The following LUZP1 variants were observed in gnomAD, a reference collection of about 807,000 sequenced individuals.
LUZP1 encodes filamin mechanobinding actin cross-linking protein.
LUZP1 carries 25 observed loss-of-function variants against 71.3 expected under a neutral mutation model. The observed-to-expected ratio is 0.35, with a 90% CI of 0.26 to 0.49. LUZP1 has a LOEUF of 0.49. LUZP1 is among the 20% of genes least tolerant of loss of function. LUZP1 has a pLI of 0.99. For missense variants in LUZP1, 1,142 were observed against 1,300.8 expected (o/e 0.88, Z 1.88); for synonymous variants, 481 against 506.4 (o/e 0.95, Z 0.67).
chr1:23,147,195 C>T (rs1644350648), intron 2 of LUZP1, among the ~76,000 whole-genome samples: 1 of 151,522 alleles, frequency 6.6e-6, no homozygotes, highest in Non-Finnish European at 1.5e-5. Flanking sequence ...AATCCCAGCA[C>T]TTTGGGAGGC....
chr1:23,138,316 A>G (rs1299020608), intron 2 of LUZP1, among the ~76,000 whole-genome samples: 1 of 152,214 alleles, frequency 6.6e-6, no homozygotes, highest in African/African-American at 2.4e-5. Context: ...TAGCCTTAAA[A>G]AAATAAAACA....
chr1:23,111,173 C>G (rs578106491), intron 2 of LUZP1, among the ~76,000 whole-genome samples: 3 of 144,914 alleles, frequency 2.1e-5, no homozygotes, highest in African/African-American at 7.8e-5. Flanking sequence ...GCACTCCAGC[C>G]TGGGCGACAC....
chr1:23,175,684 T>A (rs1434638155), intron 1 of LUZP1, among the ~76,000 whole-genome samples: 1 of 152,216 alleles, frequency 6.6e-6, no homozygotes, highest in Admixed American at 6.5e-5. Flanking sequence ...GTGCCTAACA[T>A]GTGCCAGGCA....
At chr1:23,103,343 A>G (rs1209398394) in intron 3 of LUZP1, among the ~76,000 whole-genome samples, 2 of 152,148 alleles carry the variant, frequency 1.3e-5, no homozygotes, top group Non-Finnish European at 2.9e-5. Flanking sequence ...GCACATTTCT[A>G]TCTAATTACA....
At chr1:23,085,118 G>A (rs1428929485) in exon 5 of LUZP1, 3 of 152,626 alleles carry the variant, frequency 2.0e-5, no homozygotes, top group Non-Finnish European at 2.9e-5. Flanking sequence ...TCCAGCGACA[G>A]GTTCTGGCCT....
intron 2 of LUZP1, chr1:23,163,922 TAG>T (rs1365703167): frequency 6.6e-6 from 1 of 152,146 alleles, no homozygotes; most frequent in Non-Finnish European, 1.5e-5. Flanking sequence ...GACTACCTCA[TAG>T]AGTTATTATT....
chr1:23,155,246 A>G (rs1644412832), intron 2 of LUZP1, among the ~76,000 whole-genome samples: 3 of 152,198 alleles, frequency 2.0e-5, no homozygotes, highest in Non-Finnish European at 4.4e-5. Flanking sequence ...ACTTCTGTAA[A>G]GTCTTCCATT....
intron 2 of LUZP1, among the ~76,000 whole-genome samples, chr1:23,117,935 C>T (rs548985640): frequency 1.3e-5 from 2 of 151,614 alleles, no homozygotes; most frequent in South Asian, 2.1e-4. Flanking sequence ...ACTAAAAATA[C>T]AAAAATTAGC....
chr1:23,167,453 C>T (rs1644518564), intron 2 of LUZP1, among the ~76,000 whole-genome samples: 2 of 152,164 alleles, frequency 1.3e-5, no homozygotes, highest in African/African-American at 2.4e-5. Context: ...AATCCTTCTC[C>T]CAAGGTCATT....
chr1:23,123,037 A>T (rs145801129), intron 2 of LUZP1, among the ~76,000 whole-genome samples: 1 of 152,358 alleles, frequency 6.6e-6, no homozygotes, highest in African/African-American at 2.4e-5. Flanking sequence ...AATGCTTTTC[A>T]TTCAGGCAGG....
chr1:23,093,699 G>T lies in LUZP1; in HGVS notation c.563C>A (p.Ser188Ter). ...CTCACTTACAAAGCTCAGAGTTAAT[G>T]ATTTCAGCTTTTCTAACTCTGACGC... Residue 188 changes from serine to a stop codon, truncating the protein, a stop_gained, in exon 4 of 5, where the codon TCA becomes TAA. Coordinates refer to ENST00000302291, the Ensembl canonical transcript of LUZP1. LOFTEE classifies it high-confidence loss of function. This position sits in a 1 kb window ranked among gnomAD's most constrained non-coding sequence, Gnocchi z 4.2. 6.2e-7 allele frequency: 1 copy of T among 1,613,540 alleles called. No homozygotes were observed.
exon 5 of LUZP1, chr1:23,084,126 G>A (rs1200073349): frequency 2.6e-5 from 4 of 152,180 alleles, no homozygotes; most frequent in Non-Finnish European, 5.9e-5. Context: ...ATTTTGGGAA[G>A]CGCACTACAT....
intron 2 of LUZP1, among the ~76,000 whole-genome samples, chr1:23,166,976 G>C (rs1644514834): frequency 6.6e-6 from 1 of 152,126 alleles, no homozygotes; most frequent in Admixed American, 6.6e-5. Context: ...TTAGAAAAGT[G>C]ATTTAATTTT....
chr1:23,127,478 G>A (rs1009174537), intron 2 of LUZP1, among the ~76,000 whole-genome samples: 4 of 152,176 alleles, frequency 2.6e-5, no homozygotes, highest in African/African-American at 9.7e-5. Flanking sequence ...TCAAGGATCT[G>A]TCTAGGATCA....
chr1:23,138,701 A>G (rs78134850), intron 2 of LUZP1, among the ~76,000 whole-genome samples: 34,667 of 89,810 alleles, frequency 0.39, 4,648 homozygotes, highest in African/African-American at 0.56. Context: ...GTGTGTGTAT[A>G]TATATATATA....
exon 4 of LUZP1, chr1:23,091,293 G>A (rs1277750367): frequency 1.2e-6 from 2 of 1,613,934 alleles, no homozygotes; most frequent in African/African-American, 1.3e-5. Flanking sequence ...GGTCCTTCTG[G>A]AGGAGGGCTC....
chr1:23,114,656 C>T (rs925281613), intron 2 of LUZP1, among the ~76,000 whole-genome samples: 1 of 152,214 alleles, frequency 6.6e-6, no homozygotes, highest in Non-Finnish European at 1.5e-5. Flanking sequence ...CACTTCCCTC[C>T]TCCCAACCCC....
At chr1:23,118,453 C>A (rs1557655178) in intron 2 of LUZP1, among the ~76,000 whole-genome samples, 1 of 152,134 alleles carries the variant, frequency 6.6e-6, no homozygotes, top group Non-Finnish European at 1.5e-5. Flanking sequence ...CCAGGTAGTA[C>A]AATGGGCAGT....
chr1:23,114,210 AG>A (rs1644058541), intron 2 of LUZP1, among the ~76,000 whole-genome samples: 2 of 152,364 alleles, frequency 1.3e-5, no homozygotes, highest in Admixed American at 1.3e-4. Context: ...AGAGAGAAAC[AG>A]AATAACTTGG....
Sources: allele counts gnomAD v4.1 joint callset (sites outside exome capture counted in the v4.1 genomes callset), GRCh38; gene constraint gnomAD v4.1.1; non-coding constraint Gnocchi (gnomAD v3.1); transcripts MANE v1.5; gene names NCBI Gene and HGNC (gene_info 2026-07-23, HGNC 2026-07-21).